MTA1: variants seen among roughly 807,000 people sequenced by gnomAD.
MTA1 encodes the protein metastasis associated 1, also known as metastasis-associated protein MTA1.
Under a neutral mutation model 97.0 loss-of-function variants are expected in MTA1, and 15 were observed. The observed-to-expected ratio is 0.15, with a 90% CI of 0.10 to 0.24. MTA1 has a LOEUF of 0.24. Among genes scored for constraint, MTA1 ranks in the 10% least tolerant of loss-of-function variants. The pLI is 1.00. For missense variants in MTA1, 709 were observed against 1,015.1 expected (o/e 0.70, Z 4.10); for synonymous variants, 435 against 417.5 (o/e 1.04, Z -0.51).
rs373034822 is a variant in MTA1 at position 105,469,867 on chromosome 14, C to T, written c.1872C>T (p.Asn624=). The T allele has an allele frequency of 1.3e-4, 215 of 1,609,548 alleles. No individual in the cohort carries two copies. Among genetic ancestry groups the T allele is most frequent in the Middle Eastern group, 5.0e-4 (3 of 6,054 alleles). ...HMGPSRNLLL[N]GKSYPTKVRL... ...GACCAAGCCGGAACCTCCTGCTCAA[C>T]GGGAAGTCCTACCCCACCAAAGTGC... is the stretch of plus-strand genomic sequence containing the variant. The change falls in exon 20 of 21, where the codon AAC becomes AAT. Residue 624 remains asparagine, a synonymous_variant. Coordinates refer to ENST00000331320, the MANE Select transcript of MTA1 (RefSeq NM_004689.4).
intron 3 of MTA1, among the ~76,000 whole-genome samples, chr14:105,448,854 C>G (rs2141566339): frequency 6.6e-6 from 1 of 152,392 alleles, no homozygotes; most frequent in South Asian, 2.1e-4. Context: ...CATCTGGGGA[C>G]CTTGGGCTCA....
At chr14:105,442,301 T>G (rs995397370) in intron 2 of MTA1, among the ~76,000 whole-genome samples, 14 of 152,188 alleles carry the variant, frequency 9.2e-5, no homozygotes, top group Non-Finnish European at 2.1e-4. Flanking sequence ...TGAGTGAGGT[T>G]TCCTGACTGA....
At chr14:105,453,233 C>T (rs193069484) in intron 6 of MTA1, among the ~76,000 whole-genome samples, 262 of 152,398 alleles carry the variant, frequency 1.7e-3, no homozygotes, top group Non-Finnish European at 3.1e-3. Flanking sequence ...GGTGCTGAGC[C>T]TGGAATGCTC....
chr14:105,437,932 C>T (rs1555424806), intron 1 of MTA1, among the ~76,000 whole-genome samples: 1 of 152,230 alleles, frequency 6.6e-6, no homozygotes, highest in Non-Finnish European at 1.5e-5. Context: ...CCGTGGCTCT[C>T]TGTCTGTGGA....
At position 105,424,462 on chromosome 14, in the gene MTA1, A is replaced by G. The variant is rs1595251534; in HGVS notation, c.28+4399A>G. On this transcript the variant is annotated intron_variant, in intron 1 of 20. Transcript: ENST00000331320. This position sits in a 1 kb window ranked among gnomAD's most constrained non-coding sequence, Gnocchi z 4.0. ...GTGACCCACCCGCCTCAGCCTCTCA[A>G]AGTATTGGGATTACAGGCGTGAGCC... 6.6e-6 allele frequency among the ~76,000 whole-genome samples: 1 copy of G among 150,606 alleles called. No individual in the cohort carries two copies. The highest frequency in any genetic ancestry group is 2.5e-5 in the African/African-American group (1 of 40,798).
rs1430324960 is a variant in MTA1, at chr14:105,420,402, G to A, written c.28+339G>A. Among the ~76,000 whole-genome samples, 3 of 151,994 alleles carry A rather than the reference G, an allele frequency of 2.0e-5. No homozygotes were observed. Among genetic ancestry groups the A allele is most frequent in the Non-Finnish European group, 4.4e-5 (3 of 67,960 alleles). ...CGGGAGCCCCCAGCGGGAGCACGTG[G>A]CCTTGGGAGGCGCCGGCTGCCGGTC... On this transcript the variant is annotated intron_variant, in intron 1 of 20. Transcript: ENST00000331320. This position sits in a 1 kb window ranked among gnomAD's most constrained non-coding sequence, Gnocchi z 5.3.
intron 6 of MTA1, 60 bp from the exon 7 acceptor site, chr14:105,454,133 C>T: frequency 2.2e-6 from 3 of 1,367,106 alleles, no homozygotes; most frequent in Non-Finnish European, 3.1e-6. Flanking sequence ...TGACGCCTCT[C>T]TGACCCTCCC....
Position 105,450,311 on chromosome 14 carries a change from A to T in MTA1, c.419A>T (p.Tyr140Phe). The T allele has an allele frequency of 6.2e-7, 1 of 1,604,078 alleles. No individual in the cohort carries two copies. Among genetic ancestry groups the T allele is most frequent in the Non-Finnish European group, 8.5e-7 (1 of 1,172,850 alleles). ...AACGAGACCGAGTCGCTCAAGTCCT[A>T]CCTGGAGCGGGAGGTGAGGCCCAGC... ...LLNETESLKS[Y>F]LEREDFFFYS... The change falls in exon 6 of 21, where the codon TAC (tyrosine) becomes TTC (phenylalanine). Residue 140 changes from tyrosine (Y) to phenylalanine (F), a missense_variant. Tyr to Phe is a conservative substitution (Grantham distance 22). This residue lies in a region of MTA1 where 321 missense variants were observed against 593.5 expected (regional missense o/e 0.54). Transcript: ENST00000331320.
chr14:105,470,381 G>A lies in MTA1; in HGVS notation c.*166G>A, dbSNP rs1298150640. On this transcript the variant is annotated 3_prime_UTR_variant, in exon 21 of 21. Transcript: ENST00000331320. ...ACTGGGGGAGGAGAGGAAGAAGCGC[G>A]GCTAACTTATTCCGAGAATGCCGAG... 2.7e-5 allele frequency: 15 copies of A among 565,494 alleles called. No homozygotes were observed. The highest frequency in any genetic ancestry group is 4.2e-5 in the Admixed American group (1 of 23,686). The allele number at this position is 565,494 out of a possible 1,614,324, so 35.0% of individuals were successfully genotyped here.
chr14:105,449,729 C>T lies in MTA1; in HGVS notation c.241+320C>T, dbSNP rs587700706. ...GGCTCTTGGCAGCCGCCGACTCCCC[C>T]GCTCCTCTTGCTCTTGCCTGCTGCT... On this transcript the variant is annotated intron_variant, in intron 4 of 20. Coordinates refer to ENST00000331320, the MANE Select transcript of MTA1 (RefSeq NM_004689.4). Among the ~76,000 whole-genome samples, 8 of 152,320 alleles carry T rather than the reference C, an allele frequency of 5.3e-5. No homozygotes were observed. In the South Asian group the frequency reaches 1.7e-3, roughly 32 times the overall value.
chr14:105,460,497 G>A (rs1555430780), intron 9 of MTA1, 40 bp downstream of exon 9: 6 of 1,550,820 alleles, frequency 3.9e-6, no homozygotes, highest in Non-Finnish European at 4.4e-6. Context: ...ACCTGGGGTG[G>A]CCCATGGCCC....
intron 6 of MTA1, among the ~76,000 whole-genome samples, chr14:105,451,699 G>A (rs1347972625): frequency 2.0e-5 from 3 of 152,070 alleles, no homozygotes; most frequent in African/African-American, 2.4e-5. Flanking sequence ...CATGCTTGCC[G>A]GGGACAAAAC....
rs1480665287 is a variant in MTA1, at chr14:105,420,774, C to T, written c.28+711C>T. ...CCAGCCTCCTGTTGCTCGGGCCCCC[C>T]GGGCCTGCAGCTTTGAGCCTTGCCC... On this transcript the variant is annotated intron_variant, in intron 1 of 20. Transcript: ENST00000331320. This position sits in a 1 kb window ranked among gnomAD's most constrained non-coding sequence, Gnocchi z 5.3. Among the ~76,000 whole-genome samples the T allele has an allele frequency of 6.6e-6, 1 of 152,190 alleles. No homozygotes were observed. Among genetic ancestry groups the T allele is most frequent in the African/African-American group, 2.4e-5 (1 of 41,458 alleles).
Position 105,450,125 on chromosome 14 carries a change from G to A in MTA1, c.309G>A (p.Leu103=), listed in dbSNP as rs1214389124. Reference sequence around the variant, plus strand: ...TGCCCGAGAAACTAAAGCACCAGCTGCGGCATCGGGAGCTGTTCCTCTCCC... The same window carrying A: ...TGCCCGAGAAACTAAAGCACCAGCTACGGCATCGGGAGCTGTTCCTCTCCC... ...VDLPEKLKHQ[L]RHRELFLSRQ... is the part of the protein sequence containing the mutation. The change falls in exon 5 of 21, where the codon CTG becomes CTA. Residue 103 remains leucine, a synonymous_variant. Transcript: ENST00000331320. 6.2e-7 allele frequency: 1 copy of A among 1,613,314 alleles called. No individual in the cohort carries two copies. The highest frequency in any genetic ancestry group is 8.5e-7 in the Non-Finnish European group (1 of 1,179,904).
At chr14:105,423,425 C>T (rs2081912567) in intron 1 of MTA1, among the ~76,000 whole-genome samples, 1 of 152,108 alleles carries the variant, frequency 6.6e-6, no homozygotes, top group Non-Finnish European at 1.5e-5. Flanking sequence ...CCATGTTGGT[C>T]AGGCTGGTCT....
In MTA1 at chr14:105,465,293, G is replaced by GC. The variant is rs1331085909; in HGVS notation, c.1624+116dup. ...TTCTCTAGCTGGGAGCTCCTGGACA[G>GC]CCCCCCAGGGCCTGGAACTGTCCTT... On this transcript the variant is annotated intron_variant, in intron 16 of 20. Coordinates refer to ENST00000331320, the MANE Select transcript of MTA1 (RefSeq NM_004689.4). The GC allele has an allele frequency of 7.1e-5, 67 of 942,156 alleles. No homozygotes were observed. In the East Asian group the frequency reaches 1.8e-3, roughly 25 times the overall value. The allele number at this position is 942,156 out of a possible 1,614,324, so 58.4% of individuals were successfully genotyped here. A position where few individuals can be genotyped will look rare whatever the true frequency, so the allele number is the denominator to read the frequency against.
chr14:105,438,406 G>T (rs1202345001), intron 1 of MTA1, among the ~76,000 whole-genome samples: 1 of 152,194 alleles, frequency 6.6e-6, no homozygotes, highest in Non-Finnish European at 1.5e-5. Context: ...TGAGGATCCG[G>T]GATGGGGGCT....
rs1555420556 is a variant in MTA1 at position 105,420,405 on chromosome 14, T to C, written c.28+342T>C. ...GAGCCCCCAGCGGGAGCACGTGGCC[T>C]TGGGAGGCGCCGGCTGCCGGTCTGG... is the stretch of plus-strand genomic sequence containing the variant. On this transcript the variant is annotated intron_variant, in intron 1 of 20. Transcript: ENST00000331320. The surrounding 1 kb of genome is among the most constrained non-coding windows in gnomAD (Gnocchi z 5.3). 6.6e-6 allele frequency among the ~76,000 whole-genome samples: 1 copy of C among 151,886 alleles called. No homozygotes were observed. Among genetic ancestry groups the C allele is most frequent in the Non-Finnish European group, 1.5e-5 (1 of 67,918 alleles).
In MTA1 at chr14:105,420,095, G is replaced by A; in HGVS notation, c.28+32G>A. The A allele has an allele frequency of 2.3e-6, 2 of 859,702 alleles. No homozygotes were observed. The highest frequency in any genetic ancestry group is 2.8e-6 in the Non-Finnish European group (2 of 710,052). 53.3% of individuals were successfully genotyped at this position (859,702 alleles called of 1,614,324 possible). On this transcript the variant is annotated intron_variant, in intron 1 of 20. Coordinates refer to ENST00000331320, the MANE Select transcript of MTA1 (RefSeq NM_004689.4). The surrounding 1 kb of genome is among the most constrained non-coding windows in gnomAD (Gnocchi z 5.3). ...CCGCACCGCCTTTATGCCCGGCCCC[G>A]ACCCGCCCGCAGCCCCCACCCGCCG...
Sources: allele counts gnomAD v4.1 joint callset (sites outside exome capture counted in the v4.1 genomes callset), GRCh38; gene constraint gnomAD v4.1.1; regional missense constraint gnomAD v4.1.1; non-coding constraint Gnocchi (gnomAD v3.1); transcripts MANE v1.5; gene names NCBI Gene and HGNC (gene_info 2026-07-23, HGNC 2026-07-21).